CTSA: variants seen among roughly 807,000 people sequenced by gnomAD.
CTSA encodes cathepsin A.
In CTSA, 42 loss-of-function variants were observed where a neutral mutation model predicts 66.7. The ratio of observed to expected loss-of-function variants is 0.63; its 90% CI spans 0.49 to 0.81. CTSA has a LOEUF of 0.81. Ranked by LOEUF, CTSA falls within the 40% of genes least tolerant of loss-of-function variation. The probability of loss-of-function intolerance (pLI) is 0.00; values close to 1 mark genes in which losing one functional copy is unlikely to be tolerated. For synonymous variants in CTSA, 225 were observed against 248.6 expected, an observed-to-expected ratio of 0.91 and a Z score of 0.89; for missense variants, 525 against 610.9, an observed-to-expected ratio of 0.86 and a Z score of 1.48.
In CTSA at chr20:45,894,003, C is replaced by G. The variant is rs1987107458; in HGVS notation, c.708C>G (p.Leu236=). Residue 236 remains leucine (L), a synonymous_variant, in exon 8 of 15, where the codon CTC becomes CTG. Transcript: ENST00000646241. ...TCTCCTACAGGCTTTGGTCTTCTCT[C>G]CAGACCCACTGCTGCTCTCAAAACA... The part of the protein sequence containing the change: ...GLLGNRLWSS[L]QTHCCSQNKC... 1.9e-6 allele frequency: 3 copies of G among 1,610,322 alleles called. No individual in the cohort carries two copies. The highest frequency in any genetic ancestry group is 2.5e-6 in the Non-Finnish European group (3 of 1,176,748).
intron 11 of CTSA, among the ~76,000 whole-genome samples, chr20:45,895,741 TG>T (rs2083097968): frequency 6.6e-6 from 1 of 152,160 alleles, no homozygotes; most frequent in Non-Finnish European, 1.5e-5. Context: ...CCACCATTCC[TG>T]GCTAATTTTT....
chr20:45,893,193 G>A (rs755060480), intron 6 of CTSA, 27 bp from the exon 7 acceptor site: 1 of 1,595,924 alleles, frequency 6.3e-7, no homozygotes, highest in Non-Finnish European at 8.6e-7. Flanking sequence ...CCCTCCACAT[G>A]AGCTGAGCAC....
chr20:45,893,010 C>G, intron 6 of CTSA, 130 bp downstream of exon 6: 1 of 1,156,726 alleles, frequency 8.6e-7, no homozygotes, highest in Non-Finnish European at 1.3e-6. Flanking sequence ...CACCGGCTGC[C>G]CTAGGTCTGT....
Position 45,891,914 on chromosome 20 carries a change from A to G in CTSA, c.195-2A>G. Reference sequence around the variant, plus strand: ...CCAACCCTGCCCTGACCCCCCTCCCAGGTTTGTGGAGTCCCAGAAGGATCC... The same window carrying G: ...CCAACCCTGCCCTGACCCCCCTCCCGGGTTTGTGGAGTCCCAGAAGGATCC... On this transcript the variant is annotated splice_acceptor_variant, in intron 2 of 14. Coordinates refer to ENST00000646241, the MANE Select transcript of CTSA (RefSeq NM_000308.4). LOFTEE classifies it high-confidence loss of function. The surrounding 1 kb of genome is among the most constrained non-coding windows in gnomAD (Gnocchi z 4.6). 1.2e-6 allele frequency: 2 copies of G among 1,613,538 alleles called. No individual in the cohort carries two copies. The highest frequency in any genetic ancestry group is 1.7e-6 in the Non-Finnish European group (2 of 1,179,560).
chr20:45,898,737 G>C lies in CTSA; in HGVS notation c.*287G>C. 2 of 695,674 alleles carry C rather than the reference G, an allele frequency of 2.9e-6. No homozygotes were observed. Among genetic ancestry groups the C allele is most frequent in the Non-Finnish European group, 4.8e-6 (2 of 416,702 alleles). The allele number at this position is 695,674 out of a possible 1,614,324, so 43.1% of individuals were successfully genotyped here. A position where few individuals can be genotyped will look rare whatever the true frequency, so the allele number is the denominator to read the frequency against. Reference sequence around the variant, plus strand: ...CTGATTCCATCCCAGGAACCCAACAGAGCTCAGGACAGCCCACAGGGAGGT... The same window carrying C: ...CTGATTCCATCCCAGGAACCCAACACAGCTCAGGACAGCCCACAGGGAGGT... On this transcript the variant is annotated 3_prime_UTR_variant, in exon 15 of 15. Transcript: ENST00000646241. This position sits in a 1 kb window ranked among gnomAD's most constrained non-coding sequence, Gnocchi z 4.6.
chr20:45,897,963 G>A (rs747684807), intron 13 of CTSA, 42 bp from the exon 14 acceptor site: 1 of 1,601,176 alleles, frequency 6.2e-7, no homozygotes. Flanking sequence ...CTGTGAGCAA[G>A]GATGCAGCTG....
In CTSA at chr20:45,898,582, G is replaced by T; in HGVS notation, c.*132G>T. The T allele has an allele frequency of 1.1e-6, 1 of 900,140 alleles. No individual in the cohort carries two copies. The allele number at this position is 900,140 out of a possible 1,614,324, so 55.8% of individuals were successfully genotyped here. On this transcript the variant is annotated 3_prime_UTR_variant, in exon 15 of 15. Coordinates refer to ENST00000646241, the MANE Select transcript of CTSA (RefSeq NM_000308.4). This position sits in a 1 kb window ranked among gnomAD's most constrained non-coding sequence, Gnocchi z 4.6. Reference sequence around the variant, plus strand: ...AGGACTGCCCCCTTCCCAGAGCCCTGTACATCCCAGACTGGGCCCAGGGTC... The same window carrying T: ...AGGACTGCCCCCTTCCCAGAGCCCTTTACATCCCAGACTGGGCCCAGGGTC...
chr20:45,897,776 T>C lies in CTSA; in HGVS notation c.1224T>C (p.Asp408=), dbSNP rs1452368278. 1 of 1,611,974 alleles carries C rather than the reference T, an allele frequency of 6.2e-7. No individual in the cohort carries two copies. Among genetic ancestry groups the C allele is most frequent in the East Asian group, 2.2e-5 (1 of 44,848 alleles). ...ACATGGCCTGCAATTTCATGGGGGA[T>C]GAGTGGTTTGTGGATTCCCTCAACC... is the stretch of plus-strand genomic sequence containing the variant. ...DVDMACNFMG[D]EWFVDSLNQK... Residue 408 remains aspartate, a synonymous_variant, in exon 13 of 15, where the codon GAT becomes GAC. Coordinates refer to ENST00000646241, the MANE Select transcript of CTSA (RefSeq NM_000308.4).
At position 45,898,091 on chromosome 20, in the gene CTSA, C is replaced by A. The variant is rs530181128; in HGVS notation, c.1341C>A (p.Ile447=). 3.1e-6 allele frequency: 5 copies of A among 1,613,896 alleles called. No homozygotes were observed. Among genetic ancestry groups the A allele is most frequent in the Admixed American group, 1.7e-5 (1 of 59,996 alleles). The stretch of plus-strand genomic sequence containing the variant: ...GCTTCGTGAAGGAGTTCTCCCACAT[C>A]GCCTTTCTCACGATCAAGGTAGGGA... ...IAGFVKEFSH[I]AFLTIKGAGH... Residue 447 remains isoleucine (I), a synonymous_variant, in exon 14 of 15, where the codon ATC becomes ATA. Transcript: ENST00000646241. The surrounding 1 kb of genome is among the most constrained non-coding windows in gnomAD (Gnocchi z 4.6).
Position 45,894,837 on chromosome 20 carries a change from C to G in CTSA, c.884C>G (p.Thr295Ser). ...VPSHFRYEKDTVVVQDLGNIF... is the reference protein window; with the variant it reads ...VPSHFRYEKDSVVVQDLGNIF... Reference sequence around the variant, plus strand: ...TCACATTGCAGGTATGAGAAGGACACTGTTGTGGTCCAGGATTTGGGCAAC... The same window carrying G: ...TCACATTGCAGGTATGAGAAGGACAGTGTTGTGGTCCAGGATTTGGGCAAC... The change falls in exon 10 of 15, where the codon ACT (threonine) becomes AGT (serine). Residue 295 changes from threonine (T) to serine (S), a missense_variant. By Grantham distance (58) the Thr-to-Ser change is moderately conservative. Transcript: ENST00000646241. 1 of 1,614,116 alleles carries G rather than the reference C, an allele frequency of 6.2e-7. No individual in the cohort carries two copies. The highest frequency in any genetic ancestry group is 1.3e-5 in the African/African-American group (1 of 75,014).
Position 45,898,172 on chromosome 20 carries a change from C to G in CTSA, c.1359+63C>G. 1 of 1,551,798 alleles carries G rather than the reference C, an allele frequency of 6.4e-7. No homozygotes were observed. The highest frequency in any genetic ancestry group is 8.9e-7 in the Non-Finnish European group (1 of 1,126,676). On this transcript the variant is annotated intron_variant, in intron 14 of 14. Transcript: ENST00000646241. This position sits in a 1 kb window ranked among gnomAD's most constrained non-coding sequence, Gnocchi z 4.6. ...GGCAAAGGAGCAGGACCCACCCGTC[C>G]TTTCCCTCTGGCTGCCTTTTAGGCT...
Position 45,891,598 on chromosome 20 carries a change from CCTGCTGCTGCTGCTGCTG to C in CTSA, c.39_56del (p.Leu14_Leu19del). 1 of 1,581,770 alleles carries C rather than the reference CCTGCTGCTGCTGCTGCTG, an allele frequency of 6.3e-7. No individual in the cohort carries two copies. Among genetic ancestry groups the C allele is most frequent in the Non-Finnish European group, 8.6e-7 (1 of 1,161,554 alleles). On this transcript the variant is annotated inframe_deletion, in exon 2 of 15. Transcript: ENST00000646241. This position sits in a 1 kb window ranked among gnomAD's most constrained non-coding sequence, Gnocchi z 4.6. Reference sequence around the variant, plus strand: ...TCCGAGCCGCGCCGCCGCCGCTGTTCCTGCTGCTGCTGCTGCTGCTGCTGCTAGTGTCCTGGGCGTCCC... The same window carrying C: ...TCCGAGCCGCGCCGCCGCCGCTGTTCCTGCTGCTAGTGTCCTGGGCGTCCC...
At position 45,898,619 on chromosome 20, in the gene CTSA, GC is replaced by G. The variant is rs1025531362; in HGVS notation, c.*171del. On this transcript the variant is annotated 3_prime_UTR_variant, in exon 15 of 15. Transcript: ENST00000646241. This position sits in a 1 kb window ranked among gnomAD's most constrained non-coding sequence, Gnocchi z 4.6. ...CTGGGCCCAGGGTCTCCCATAGACA[GC>G]CTGGGGGCAAGTTAGCACTTTATTC... 2 of 756,072 alleles carry G rather than the reference GC, an allele frequency of 2.6e-6. No individual in the cohort carries two copies. The highest frequency in any genetic ancestry group is 3.4e-5 in the African/African-American group (2 of 57,994). The allele number at this position is 756,072 out of a possible 1,614,324, so 46.8% of individuals were successfully genotyped here. A position where few individuals can be genotyped will look rare whatever the true frequency, so the allele number is the denominator to read the frequency against.
chr20:45,892,133 G>A, intron 3 of CTSA, 106 bp downstream of exon 3: 1 of 1,431,604 alleles, frequency 7.0e-7, no homozygotes, highest in African/African-American at 1.4e-5. Context: ...TCTAAGCCTC[G>A]GGATTTTCCT....
At position 45,896,962 on chromosome 20, in the gene CTSA, C is replaced by A. The variant is rs764115103; in HGVS notation, c.1089-3C>A. The A allele has an allele frequency of 1.2e-6, 2 of 1,613,738 alleles. No homozygotes were observed. On this transcript the variant is annotated splice_region_variant and splice_polypyrimidine_tract_variant and intron_variant, in intron 11 of 14. Coordinates refer to ENST00000646241, the MANE Select transcript of CTSA (RefSeq NM_000308.4). ...CTGGGGCCTGCTCGTATGTTCCCGG[C>A]AGCTTTCTGGTAAACTTACAGTACC...
At chr20:45,894,588 T>C in intron 8 of CTSA, 62 bp from the exon 9 acceptor site, 1 of 1,430,968 alleles carries the variant, frequency 7.0e-7, no homozygotes, top group Non-Finnish European at 9.9e-7. Flanking sequence ...TTGGGACAAC[T>C]TGGTGGGGTC....
chr20:45,893,165 G>A (rs1301917928), intron 6 of CTSA, 55 bp from the exon 7 acceptor site: 2 of 1,464,138 alleles, frequency 1.4e-6, no homozygotes, highest in African/African-American at 1.4e-5. Flanking sequence ...GTAGGGTGAG[G>A]GAGGCTCTTC....
chr20:45,893,499 T>TGTGGGG, intron 7 of CTSA, 188 bp downstream of exon 7: 1 of 587,572 alleles, frequency 1.7e-6, no homozygotes. Context: ...TTTTTTTTTT[T>TGTGGGG]TGAGACAGAT....
rs1171190560 is a variant in CTSA, at chr20:45,898,118, TG to T, written c.1359+12del. ...CCTTTCTCACGATCAAGGTAGGGAC[TG>T]GGCCTGCTGAGAGATAACTGGGCCG... On this transcript the variant is annotated intron_variant, in intron 14 of 14. Transcript: ENST00000646241. This position sits in a 1 kb window ranked among gnomAD's most constrained non-coding sequence, Gnocchi z 4.6. The T allele has an allele frequency of 1.9e-6, 3 of 1,612,490 alleles. No individual in the cohort carries two copies. Among genetic ancestry groups the T allele is most frequent in the South Asian group, 1.1e-5 (1 of 91,042 alleles).
Sources: gnomAD v4.1 joint callset for allele counts (sites outside exome capture counted in the v4.1 genomes callset) on GRCh38, gnomAD v4.1.1 for gene constraint, Gnocchi (gnomAD v3.1) non-coding constraint, MANE v1.5 for transcripts, NCBI Gene and HGNC (gene_info 2026-07-23, HGNC 2026-07-21) for gene names.